The following ADAT1 variants were observed in gnomAD, a reference collection of about 807,000 sequenced individuals.
ADAT1 encodes the protein adenosine deaminase tRNA specific 1.
Under a neutral mutation model 58.6 loss-of-function variants are expected in ADAT1, and 58 were observed. That is an observed-to-expected ratio of 0.99 (90% CI 0.80 to 1.23). The LOEUF is 1.23. ADAT1 is among the 50% of genes most tolerant of loss of function. The probability of loss-of-function intolerance (pLI) is 0.00; values close to 1 mark genes in which losing one functional copy is unlikely to be tolerated. For missense variants in ADAT1, 741 were observed against 608.6 expected (o/e 1.22, Z -2.29); for synonymous variants, 254 against 220.8 (o/e 1.15, Z -1.33).
At chr16:75,608,456 A>G (rs2081428144) in intron 7 of ADAT1, 133 bp from the exon 8 acceptor site, 1 of 738,634 alleles carries the variant, frequency 1.4e-6, no homozygotes, top group Non-Finnish European at 2.2e-6. Flanking sequence ...AATGACTGCT[A>G]TTGGATGCTT....
In ADAT1 at chr16:75,599,715, G is replaced by C. The variant is rs540146964; in HGVS notation, c.*501C>G. 6.0e-4 allele frequency: 595 copies of C among 988,086 alleles called. No individual in the cohort carries two copies. The highest frequency in any genetic ancestry group is 6.7e-4 in the Non-Finnish European group (555 of 831,566). 61.2% of individuals were successfully genotyped at this position (988,086 alleles called of 1,614,324 possible). ...GGCTATTCCTAGAGCCAGGGAGTAAGGTTAGCTTCAGCCAAGTCTGAGGCA... is the reference window on the plus strand; with the variant it reads ...GGCTATTCCTAGAGCCAGGGAGTAACGTTAGCTTCAGCCAAGTCTGAGGCA... On this transcript the variant is annotated 3_prime_UTR_variant, in exon 10 of 10. Coordinates refer to ENST00000564657, the MANE Select transcript of ADAT1 (RefSeq NM_001324445.2).
intron 1 of ADAT1, among the ~76,000 whole-genome samples, chr16:75,621,823 C>G (rs1346817344): frequency 6.7e-6 from 1 of 148,952 alleles, no homozygotes; most frequent in African/African-American, 2.6e-5. Context: ...ACATCCTGAT[C>G]TCATTTGGAC....
At chr16:75,606,060 G>GA (rs2081363914) in intron 8 of ADAT1, among the ~76,000 whole-genome samples, 1 of 149,032 alleles carries the variant, frequency 6.7e-6, no homozygotes, top group South Asian at 2.2e-4. Flanking sequence ...TTGGGGGGGG[G>GA]GTCTCATTTT....
chr16:75,612,376 C>T lies in ADAT1; in HGVS notation c.910G>A (p.Ala304Thr). The change falls in exon 6 of 10, where the codon GCC becomes ACC. Residue 304 changes from alanine (A) to threonine (T), a missense_variant. By Grantham distance (58) the Ala-to-Thr change is moderately conservative. Coordinates refer to ENST00000564657, the MANE Select transcript of ADAT1 (RefSeq NM_001324445.2). Reference protein sequence around the residue: ...TRSMSCSDKMARWNVLGCQGA... With the variant: ...TRSMSCSDKMTRWNVLGCQGA... The stretch of plus-strand genomic sequence containing the variant: ...TGGCATCCGAGGACGTTCCATCGGG[C>T]CATCTTGTCACTACAGGACATGGAG... 1 of 1,614,234 alleles carries T rather than the reference C, an allele frequency of 6.2e-7. No homozygotes were observed. Among genetic ancestry groups the T allele is most frequent in the Non-Finnish European group, 8.5e-7 (1 of 1,180,050 alleles).
chr16:75,611,586 T>G lies in ADAT1; in HGVS notation c.1043+657A>C, dbSNP rs911705713. ...TTGTAAAGACGGGGTTTCCTCATGT[T>G]ACCTAGGCTGGTCTAGAACTTCTGT... On this transcript the variant is annotated intron_variant, in intron 6 of 9. Coordinates refer to ENST00000564657, the MANE Select transcript of ADAT1 (RefSeq NM_001324445.2). Among the ~76,000 whole-genome samples the G allele has an allele frequency of 4.6e-5, 7 of 152,070 alleles. No homozygotes were observed. The East Asian group carries it at 5.8e-4, about 13-fold the overall frequency.
In ADAT1 at chr16:75,612,502, T is replaced by C. The variant is rs764117059; in HGVS notation, c.784A>G (p.Lys262Glu). The change falls in exon 6 of 10, where the codon AAG becomes GAG. Residue 262 changes from lysine (K) to glutamate (E), a missense_variant. By Grantham distance (56) the Lys-to-Glu change is moderately conservative. Coordinates refer to ENST00000564657, the MANE Select transcript of ADAT1 (RefSeq NM_001324445.2). Reference sequence around the variant, plus strand: ...TCTCCAGCTTCTCCAGGTACACACTTGGCTCCAGTTCTATAAACGTCTATC... The same window carrying C: ...TCTCCAGCTTCTCCAGGTACACACTCGGCTCCAGTTCTATAAACGTCTATC... ...KVIDVYRTGAKCVPGEAGDSG... is the reference protein window; with the variant it reads ...KVIDVYRTGAECVPGEAGDSG... The C allele has an allele frequency of 6.2e-7, 1 of 1,614,160 alleles. No individual in the cohort carries two copies. The highest frequency in any genetic ancestry group is 1.1e-5 in the South Asian group (1 of 91,080).
At chr16:75,608,365 C>G (rs1387335408) in intron 7 of ADAT1, 42 bp from the exon 8 acceptor site, 3 of 1,484,692 alleles carry the variant, frequency 2.0e-6, no homozygotes, top group Non-Finnish European at 2.8e-6. Flanking sequence ...TGCTCAATTT[C>G]TTGTGAAAGT....
rs749096982 is a variant in ADAT1 at position 75,617,225 on chromosome 16, C to T, written c.341G>A (p.Ser114Asn). The T allele has an allele frequency of 5.8e-5, 94 of 1,613,866 alleles. 1 individual carries two copies. The East Asian group carries it at 1.6e-3, about 28-fold the overall frequency. ...LQLAATLKED[S>N]IFVPGTQKGV... is the part of the protein sequence containing the mutation. The stretch of plus-strand genomic sequence containing the variant: ...TTTTTGAGTTCCTGGGACAAAGATG[C>T]TATCCTCTTTCAGGGTGGCTGCCAA... The change falls in exon 5 of 10, where the codon AGC becomes AAC. Residue 114 changes from serine (S) to asparagine (N), a missense_variant. Transcript: ENST00000564657.
chr16:75,612,175 T>C, intron 6 of ADAT1, 68 bp downstream of exon 6: 1 of 1,543,678 alleles, frequency 6.5e-7, no homozygotes, highest in Non-Finnish European at 8.8e-7. Context: ...TTCTTAATGC[T>C]CTTAGGCCTT....
In ADAT1 at chr16:75,623,262, A is replaced by C. The variant is rs2081990903; in HGVS notation, c.-881T>G. On this transcript the variant is annotated 5_prime_UTR_variant, in exon 1 of 10. Coordinates refer to ENST00000564657, the MANE Select transcript of ADAT1 (RefSeq NM_001324445.2). Reference sequence around the variant, plus strand: ...CCTTCAGGAAACGCGCCTAGAAGAAAGCGAGCTTAATCCGCCGGTAAGGCG... The same window carrying C: ...CCTTCAGGAAACGCGCCTAGAAGAACGCGAGCTTAATCCGCCGGTAAGGCG... 1 of 152,122 alleles carries C rather than the reference A, an allele frequency of 6.6e-6. No individual in the cohort carries two copies. Among genetic ancestry groups the C allele is most frequent in the African/African-American group, 2.4e-5 (1 of 41,316 alleles). The allele number at this position is 152,122 out of a possible 1,614,324, so 9.4% of individuals were successfully genotyped here. A position where few individuals can be genotyped will look rare whatever the true frequency, so the allele number is the denominator to read the frequency against.
At chr16:75,609,660 GA>G (rs1349475666) in intron 6 of ADAT1, among the ~76,000 whole-genome samples, 2 of 152,088 alleles carry the variant, frequency 1.3e-5, no homozygotes, top group Non-Finnish European at 2.9e-5. Context: ...ACCCCAGAAA[GA>G]AACCTCGTAC....
Position 75,617,023 on chromosome 16 carries a change from G to A in ADAT1, c.424+119C>T, listed in dbSNP as rs971570622. On this transcript the variant is annotated intron_variant, in intron 5 of 9. Coordinates refer to ENST00000564657, the MANE Select transcript of ADAT1 (RefSeq NM_001324445.2). ...GCACTGTCACTACTTGTGGCTACTT[G>A]TGACTACCTGTGGCTACTTCAGCCA... 2.0e-5 allele frequency: 26 copies of A among 1,271,820 alleles called. No individual in the cohort carries two copies. In the Middle Eastern group the frequency reaches 7.3e-4, roughly 36 times the overall value. The allele number at this position is 1,271,820 out of a possible 1,614,324, so 78.8% of individuals were successfully genotyped here.
intron 8 of ADAT1, 103 bp downstream of exon 8, chr16:75,608,121 G>T: frequency 1.1e-6 from 1 of 941,916 alleles, no homozygotes; most frequent in Non-Finnish European, 1.7e-6. Context: ...GACTGCTAAT[G>T]GGTATGGTTG....
intron 8 of ADAT1, among the ~76,000 whole-genome samples, chr16:75,605,231 C>T (rs535511235): frequency 6.6e-6 from 1 of 152,272 alleles, no homozygotes; most frequent in Non-Finnish European, 1.5e-5. Flanking sequence ...GCTGGGATTA[C>T]AGGCACGTAC....
At chr16:75,612,895 C>A (rs1344671192) in intron 5 of ADAT1, 34 bp from the exon 6 acceptor site, 15 of 1,592,878 alleles carry the variant, frequency 9.4e-6, no homozygotes, top group African/African-American at 1.4e-5. Context: ...ACAAATGGTT[C>A]TCAAGTGAGG....
Position 75,620,640 on chromosome 16 carries a change from G to A in ADAT1, c.160C>T (p.Pro54Ser). 6.2e-7 allele frequency: 1 copy of A among 1,613,026 alleles called. No individual in the cohort carries two copies. The highest frequency in any genetic ancestry group is 1.7e-5 in the Admixed American group (1 of 60,000). The change falls in exon 2 of 10, where the codon CCG becomes TCG. Residue 54 changes from proline (P) to serine (S), a missense_variant. Transcript: ENST00000564657. ...GAAGAAAAAGTCTCACCTTGCACCG[G>A]CTTATCAGGGGTGTCGCAGGCCTTG... is the stretch of plus-strand genomic sequence containing the variant. Reference protein sequence around the residue: ...ADKACDTPDKPVQVTKEVVSM... With the variant: ...ADKACDTPDKSVQVTKEVVSM...
At chr16:75,621,364 A>G (rs2081926343) in intron 1 of ADAT1, among the ~76,000 whole-genome samples, 1 of 151,898 alleles carries the variant, frequency 6.6e-6, no homozygotes, top group Non-Finnish European at 1.5e-5. Flanking sequence ...ATAGAGCTCT[A>G]CTTAAGGGTG....
chr16:75,618,867 T>C (rs893511071), intron 3 of ADAT1, among the ~76,000 whole-genome samples: 1 of 152,172 alleles, frequency 6.6e-6, no homozygotes, highest in Non-Finnish European at 1.5e-5. Flanking sequence ...GTGGGGGATC[T>C]ATTCCATCCA....
At chr16:75,602,503 G>A (rs190579187) in intron 9 of ADAT1, among the ~76,000 whole-genome samples, 1 of 152,314 alleles carries the variant, frequency 6.6e-6, no homozygotes, top group African/African-American at 2.4e-5. Flanking sequence ...ACTCAAATTT[G>A]TAGCCAGTTG....
Sources: gnomAD v4.1 joint callset for allele counts (sites outside exome capture counted in the v4.1 genomes callset) on GRCh38, gnomAD v4.1.1 for gene constraint, MANE v1.5 for transcripts, NCBI Gene and HGNC (gene_info 2026-07-23, HGNC 2026-07-21) for gene names.